Variants in CRYL1 observed in about 807,000 individuals in gnomAD.
The protein encoded by CRYL1 is crystallin lambda 1.
CRYL1 carries 29 observed loss-of-function variants against 36.6 expected under a neutral mutation model. The observed-to-expected ratio is 0.79, with a 90% CI of 0.59 to 1.08. The LOEUF (loss-of-function observed/expected upper bound fraction) is 1.08. CRYL1 is among the 50% of genes least tolerant of loss of function. CRYL1 has a pLI of 0.00. For missense variants in CRYL1, 411 were observed against 407.9 expected (o/e 1.01, Z -0.06); for synonymous variants, 152 against 151.5 (o/e 1.00, Z -0.02).
chr13:20,466,630 C>T (rs1367925748), intron 3 of CRYL1, among the ~76,000 whole-genome samples: 5 of 151,550 alleles, frequency 3.3e-5, no homozygotes, highest in African/African-American at 2.4e-5. Context: ...ACTTAACTGT[C>T]TCTCTTATGG....
chr13:20,432,838 C>T (rs1565962327), intron 4 of CRYL1, among the ~76,000 whole-genome samples: 1 of 152,052 alleles, frequency 6.6e-6, no homozygotes, highest in Admixed American at 6.6e-5. Context: ...GGCAACACAG[C>T]GAGACCCTGT....
intron 5 of CRYL1, chr13:20,431,256 A>AAACAAGCCGTAC (rs2032052341): frequency 1.0e-6 from 1 of 985,432 alleles, no homozygotes; most frequent in East Asian, 1.1e-4. Context: ...ATGCGAGTCC[A>AAACAAGCCGTAC]AACAAGGAAC....
intron 4 of CRYL1, among the ~76,000 whole-genome samples, chr13:20,437,758 C>T (rs1189542708): frequency 1.3e-5 from 2 of 152,162 alleles, no homozygotes; most frequent in African/African-American, 4.8e-5. Context: ...TGTCCTCTCA[C>T]CCATCTGGCA....
At chr13:20,508,690 C>CA (rs977543019) in intron 2 of CRYL1, among the ~76,000 whole-genome samples, 10 of 148,658 alleles carry the variant, frequency 6.7e-5, no homozygotes, top group East Asian at 3.9e-4. Context: ...GCTAAAAATA[C>CA]AAAAAAAAAT....
At chr13:20,439,779 T>C in intron 3 of CRYL1, 25 bp from the exon 4 acceptor site, 1 of 1,609,064 alleles carries the variant, frequency 6.2e-7, no homozygotes, top group Non-Finnish European at 8.5e-7. Flanking sequence ...TTTAAATGAC[T>C]ATTCATGACC....
intron 3 of CRYL1, among the ~76,000 whole-genome samples, chr13:20,473,749 A>G (rs2033107445): frequency 6.6e-6 from 1 of 152,244 alleles, no homozygotes; most frequent in Non-Finnish European, 1.5e-5. Flanking sequence ...AAAACAAAAC[A>G]GGAAAAGCAA....
rs1482622254 is a variant in CRYL1, at chr13:20,404,540, CAGAGGCAGG to C, written c.846+86_846+94del. 330 of 774,274 alleles carry C rather than the reference CAGAGGCAGG, an allele frequency of 4.3e-4. 3 individuals carry two copies. In the East Asian group the frequency reaches 7.6e-3, roughly 18 times the overall value. 48.0% of individuals were successfully genotyped at this position (774,274 alleles called of 1,614,324 possible). On this transcript the variant is annotated intron_variant, in intron 7 of 7. Coordinates refer to ENST00000298248, the MANE Select transcript of CRYL1 (RefSeq NM_015974.3). Reference sequence around the variant, plus strand: ...AGATCAAGGGTAAAGATTCCAGCTGCAGAGGCAGGCCCACCCGCTGCAGAGGTGAGGGGC... The same window carrying C: ...AGATCAAGGGTAAAGATTCCAGCTGCCCCACCCGCTGCAGAGGTGAGGGGC...
At chr13:20,472,922 T>C (rs1288006046) in intron 3 of CRYL1, 2 of 152,318 alleles carry the variant, frequency 1.3e-5, no homozygotes, top group African/African-American at 2.4e-5. Context: ...TGAAGCCCGT[T>C]GTGCTCTCAG....
chr13:20,434,472 G>A (rs985729968), intron 4 of CRYL1, among the ~76,000 whole-genome samples: 5 of 152,082 alleles, frequency 3.3e-5, no homozygotes, highest in Admixed American at 6.6e-5. Flanking sequence ...GATTCTAAAA[G>A]TAGCTAATCG....
At chr13:20,446,243 C>A (rs938284620) in intron 3 of CRYL1, among the ~76,000 whole-genome samples, 3 of 152,190 alleles carry the variant, frequency 2.0e-5, no homozygotes, top group Non-Finnish European at 4.4e-5. Flanking sequence ...TCCCGAGTAG[C>A]TAGGATTATA....
intron 4 of CRYL1, 79 bp downstream of exon 4, chr13:20,439,514 C>CAAAAAAAAAA (rs56087130): frequency 3.6e-5 from 12 of 331,804 alleles, no homozygotes; most frequent in African/African-American, 1.5e-4. Flanking sequence ...CCCTCCCCCG[C>CAAAAAAAAAA]AAAAAAAAAA....
chr13:20,461,687 A>T (rs887038450), intron 3 of CRYL1, among the ~76,000 whole-genome samples: 2 of 152,054 alleles, frequency 1.3e-5, no homozygotes, highest in Non-Finnish European at 2.9e-5. Context: ...GGATCATGGA[A>T]ACAACTTGGG....
At chr13:20,417,430 T>C (rs2031698657) in intron 5 of CRYL1, among the ~76,000 whole-genome samples, 1 of 152,232 alleles carries the variant, frequency 6.6e-6, no homozygotes, top group African/African-American at 2.4e-5. Flanking sequence ...ATGGGAACCC[T>C]ACCTGAGTCC....
intron 3 of CRYL1, among the ~76,000 whole-genome samples, chr13:20,473,505 C>A (rs1196238519): frequency 2.6e-5 from 4 of 152,238 alleles, no homozygotes; most frequent in Admixed American, 6.5e-5. Flanking sequence ...GTGATCTCAG[C>A]GGACCTGGCC....
At chr13:20,436,592 C>G (rs879831831) in intron 4 of CRYL1, among the ~76,000 whole-genome samples, 4 of 152,126 alleles carry the variant, frequency 2.6e-5, no homozygotes, top group Admixed American at 6.5e-5. Context: ...TCAGTGTGGC[C>G]GTCAGCAGCT....
intron 3 of CRYL1, among the ~76,000 whole-genome samples, chr13:20,460,615 A>C (rs8000123): frequency 7.0e-6 from 1 of 143,112 alleles, no homozygotes; most frequent in Non-Finnish European, 1.5e-5. Flanking sequence ...AAGCTCCGCC[A>C]CCCGGGTTCA....
chr13:20,462,708 G>T (rs547141455), intron 3 of CRYL1, among the ~76,000 whole-genome samples: 1 of 151,402 alleles, frequency 6.6e-6, no homozygotes, highest in East Asian at 1.9e-4. Flanking sequence ...CTTCAGCTTC[G>T]GGGGAGGGGC....
intron 4 of CRYL1, among the ~76,000 whole-genome samples, 155 bp downstream of exon 4, chr13:20,439,438 G>A (rs949641821): frequency 1.4e-5 from 2 of 144,886 alleles, no homozygotes; most frequent in African/African-American, 2.6e-5. Context: ...GGCAAATTGT[G>A]TAAGTGAATT....
At chr13:20,485,505 A>C (rs2033378271) in intron 3 of CRYL1, among the ~76,000 whole-genome samples, 1 of 152,026 alleles carries the variant, frequency 6.6e-6, no homozygotes, top group Non-Finnish European at 1.5e-5. Flanking sequence ...TCTATTAAAA[A>C]ATGTACACAA....
Sources: allele counts gnomAD v4.1 joint callset (sites outside exome capture counted in the v4.1 genomes callset), GRCh38; gene constraint gnomAD v4.1.1; transcripts MANE v1.5; gene names NCBI Gene and HGNC (gene_info 2026-07-23, HGNC 2026-07-21).